Variants in DNAJC6 observed in about 807,000 individuals in gnomAD.
DNAJC6 encodes auxilin.
DNAJC6 carries 34 observed loss-of-function variants against 110.0 expected under a neutral mutation model. The ratio of observed to expected loss-of-function variants is 0.31; its 90% CI spans 0.24 to 0.41. The LOEUF (loss-of-function observed/expected upper bound fraction) is 0.41, where lower values mean the gene tolerates loss of function less well. Ranked by LOEUF, DNAJC6 falls within the 10% of genes least tolerant of loss-of-function variation. The probability of loss-of-function intolerance (pLI) is 1.00; values close to 1 mark genes in which losing one functional copy is unlikely to be tolerated. For missense variants in DNAJC6, 1,031 were observed against 1,207.8 expected, an observed-to-expected ratio of 0.85 and a Z score of 2.17; for synonymous variants, 406 against 437.2, an observed-to-expected ratio of 0.93 and a Z score of 0.89.
chr1:65,379,536 TTTG>T lies in DNAJC6; in HGVS notation c.666+19_666+21del, dbSNP rs759907494. ...TTGTCCACTGCTTGGTGAGTAACCTTTTGTTGTTGGTGGTGATGGTTTGGTTTG... is the reference window on the plus strand; with the variant it reads ...TTGTCCACTGCTTGGTGAGTAACCTTTTGTTGGTGGTGATGGTTTGGTTTG... On this transcript the variant is annotated intron_variant, in intron 5 of 18. Transcript: ENST00000371069. 2 of 1,613,594 alleles carry T rather than the reference TTTG, an allele frequency of 1.2e-6. No homozygotes were observed. The highest frequency in any genetic ancestry group is 3.3e-5 in the Admixed American group (2 of 60,002).
Position 65,339,898 on chromosome 1 carries a change from T to C in DNAJC6, c.194-24737T>C, listed in dbSNP as rs535685378. Among the ~76,000 whole-genome samples, 283 of 152,334 alleles carry C rather than the reference T, an allele frequency of 1.9e-3. 3 individuals are homozygous for C. The highest frequency in any genetic ancestry group is 6.1e-3 in the African/African-American group (253 of 41,574). On this transcript the variant is annotated intron_variant, in intron 1 of 18. Transcript: ENST00000371069. ...TCTGTTCCACCAATGTCACCATTAG[T>C]GGCAGCCAAATACTTCGACTCCTTG...
intron 4 of DNAJC6, among the ~76,000 whole-genome samples, chr1:65,375,408 T>C (rs1645751649): frequency 6.6e-6 from 1 of 151,652 alleles, no homozygotes; most frequent in Non-Finnish European, 1.5e-5. Context: ...GAGCCATCCT[T>C]GTACCAATGA....
In DNAJC6 at chr1:65,412,949, A is replaced by G; in HGVS notation, c.2837A>G (p.Tyr946Cys). The G allele has an allele frequency of 1.9e-6, 3 of 1,614,112 alleles. No homozygotes were observed. The highest frequency in any genetic ancestry group is 2.5e-6 in the Non-Finnish European group (3 of 1,179,992). Residue 946 changes from tyrosine (Y) to cysteine (C), a missense_variant, in exon 19 of 19, where the codon TAC becomes TGC. By Grantham distance (194) the Tyr-to-Cys change is radical (BLOSUM62 -2). Coordinates refer to ENST00000371069, the MANE Select transcript of DNAJC6 (RefSeq NM_001256864.2). ...GCTACTGGGCAACCCTATGAACAATACGCAAAGATGATTTTCATGGAGCTC... is the reference window on the plus strand; with the variant it reads ...GCTACTGGGCAACCCTATGAACAATGCGCAAAGATGATTTTCATGGAGCTC... Reference protein sequence around the residue: ...DKATGQPYEQYAKMIFMELND... With the variant: ...DKATGQPYEQCAKMIFMELND...
intron 11 of DNAJC6, among the ~76,000 whole-genome samples, chr1:65,390,432 G>A (rs1239265962): frequency 2.0e-5 from 3 of 152,158 alleles, no homozygotes; most frequent in South Asian, 4.1e-4. Flanking sequence ...ATAAGGGCTC[G>A]ATTACTAGGT....
chr1:65,384,104 C>G, intron 5 of DNAJC6, 89 bp from the exon 6 acceptor site: 1 of 1,329,044 alleles, frequency 7.5e-7, no homozygotes, highest in Non-Finnish European at 9.7e-7. Context: ...TCTCCTCTCT[C>G]TGTCTCTTAA....
At position 65,389,250 on chromosome 1, in the gene DNAJC6, A is replaced by T. The variant is rs753393302; in HGVS notation, c.1194-6A>T. On this transcript the variant is annotated splice_polypyrimidine_tract_variant and splice_region_variant and intron_variant, in intron 9 of 18. Transcript: ENST00000371069. ...CTGAATTTATCTTTTTTAAATCCCT[A>T]TTTAGGCCTGAGTTAGATGCATGTG... 9.3e-6 allele frequency: 15 copies of T among 1,612,206 alleles called. No individual in the cohort carries two copies. Among genetic ancestry groups the T allele is most frequent in the Non-Finnish European group, 1.3e-5 (15 of 1,178,916 alleles).
intron 1 of DNAJC6, among the ~76,000 whole-genome samples, chr1:65,361,432 A>G (rs986107014): frequency 5.9e-5 from 9 of 152,232 alleles, no homozygotes; most frequent in African/African-American, 2.2e-4. Flanking sequence ...CATGACAGTC[A>G]ACATGTATTT....
Position 65,330,051 on chromosome 1 carries a change from T to G in DNAJC6, c.193+20113T>G, listed in dbSNP as rs1262833886. On this transcript the variant is annotated intron_variant, in intron 1 of 18. Coordinates refer to ENST00000371069, the MANE Select transcript of DNAJC6 (RefSeq NM_001256864.2). ...TGAGTCCAAAGAGAGAAGCCCTGTT[T>G]AACTTACTGCCCTTGAGTTACTTGA... 2.6e-5 allele frequency among the ~76,000 whole-genome samples: 4 copies of G among 152,236 alleles called. No individual in the cohort carries two copies. In the East Asian group the frequency reaches 7.7e-4, roughly 29 times the overall value.
chr1:65,388,599 A>G (rs576574778), intron 9 of DNAJC6, among the ~76,000 whole-genome samples, 184 bp downstream of exon 9: 88 of 152,332 alleles, frequency 5.8e-4, no homozygotes, highest in African/African-American at 2.0e-3. Context: ...TATCTTCAGA[A>G]GTACAAAGGG....
upstream of DNAJC6, among the ~76,000 whole-genome samples, chr1:65,309,047 A>G (rs149179933): frequency 1.4e-3 from 217 of 152,300 alleles, 2 homozygotes; most frequent in African/African-American, 4.6e-3. Context: ...GTTACAAGTC[A>G]GTTCTCTAGG....
rs1646152817 is a variant in DNAJC6 at position 65,414,286 on chromosome 1, G to T, written c.*1261G>T. On this transcript the variant is annotated 3_prime_UTR_variant, in exon 19 of 19. Transcript: ENST00000371069. ...AGACTGGCTGGATTCAGATCAGTGT[G>T]TTGGCTGGTTCTCATTTTAAGGGGT... The T allele has an allele frequency of 6.6e-6, 1 of 152,472 alleles. No individual in the cohort carries two copies. Among genetic ancestry groups the T allele is most frequent in the Non-Finnish European group, 1.5e-5 (1 of 68,042 alleles). The allele number at this position is 152,472 out of a possible 1,614,324, so 9.4% of individuals were successfully genotyped here. A position where few individuals can be genotyped will look rare whatever the true frequency, so the allele number is the denominator to read the frequency against.
In DNAJC6 at chr1:65,414,703, G is replaced by A. The variant is rs1406205140; in HGVS notation, c.*1678G>A. 1 of 152,506 alleles carries A rather than the reference G, an allele frequency of 6.6e-6. No homozygotes were observed. The highest frequency in any genetic ancestry group is 1.5e-5 in the Non-Finnish European group (1 of 68,020). The allele number at this position is 152,506 out of a possible 1,614,324, so 9.4% of individuals were successfully genotyped here. On this transcript the variant is annotated 3_prime_UTR_variant, in exon 19 of 19. Transcript: ENST00000371069. ...AATATACAGTCATAAACTGTTCAAG[G>A]TAACCATAACAAACTAGGTGTTATT...
upstream of DNAJC6, among the ~76,000 whole-genome samples, chr1:65,306,972 T>TTCTCTC (rs144458447): frequency 1.1e-3 from 100 of 90,390 alleles, no homozygotes; most frequent in African/African-American, 2.7e-3. Context: ...CTCAATCTGT[T>TTCTCTC]TCTCTCTCTC....
chr1:65,303,409 T>C (rs1645008019), intron 1 of DNAJC6, among the ~76,000 whole-genome samples: 1 of 152,344 alleles, frequency 6.6e-6, no homozygotes, highest in African/African-American at 2.4e-5. Context: ...AATCTTGGGG[T>C]ATCTTAAGAT....
intron 11 of DNAJC6, among the ~76,000 whole-genome samples, chr1:65,389,847 CA>C (rs1355732236): frequency 1.3e-5 from 2 of 152,192 alleles, no homozygotes; most frequent in African/African-American, 4.8e-5. Context: ...CCTATCTCAA[CA>C]AAAAATTTTA....
chr1:65,276,537 T>C (rs1393855683), intron 1 of DNAJC6, among the ~76,000 whole-genome samples: 1 of 152,112 alleles, frequency 6.6e-6, no homozygotes, highest in Non-Finnish European at 1.5e-5. Flanking sequence ...GTTCTCCTAA[T>C]CCCAGGCCCC....
At chr1:65,349,692 C>T (rs1018588141) in intron 1 of DNAJC6, among the ~76,000 whole-genome samples, 1 of 151,798 alleles carries the variant, frequency 6.6e-6, no homozygotes, top group Non-Finnish European at 1.5e-5. Context: ...TTTTGTTCCG[C>T]TATATGTAAT....
At chr1:65,303,682 C>T (rs1367912183) in intron 1 of DNAJC6, among the ~76,000 whole-genome samples, 3 of 152,128 alleles carry the variant, frequency 2.0e-5, no homozygotes, top group South Asian at 4.1e-4. Flanking sequence ...CCTCAGCCTC[C>T]TGAGTAGCTG....
At chr1:65,335,015 A>G (rs1055598327) in intron 1 of DNAJC6, among the ~76,000 whole-genome samples, 5 of 152,156 alleles carry the variant, frequency 3.3e-5, no homozygotes, top group African/African-American at 1.2e-4. Flanking sequence ...TTGCTGACCA[A>G]TTTATAGTTC....
Sources: gnomAD v4.1 joint callset for allele counts (sites outside exome capture counted in the v4.1 genomes callset) on GRCh38, gnomAD v4.1.1 for gene constraint, MANE v1.5 for transcripts, NCBI Gene and HGNC (gene_info 2026-07-23, HGNC 2026-07-21) for gene names.